Variants in SGIP1 observed in about 807,000 individuals in gnomAD.
SGIP1 encodes SH3GL interacting endocytic adaptor 1.
A neutral mutation model predicts 107.5 loss-of-function variants in SGIP1; 38 were observed. The ratio of observed to expected loss-of-function variants is 0.35; its 90% CI spans 0.27 to 0.46. The LOEUF (loss-of-function observed/expected upper bound fraction) is 0.46, where lower values mean the gene tolerates loss of function less well. Ranked by LOEUF, SGIP1 falls within the 20% of genes least tolerant of loss-of-function variation. SGIP1 has a pLI of 1.00. For synonymous variants in SGIP1, 365 were observed against 366.1 expected, an observed-to-expected ratio of 1.00 and a Z score of 0.03; for missense variants, 929 against 1,019.5, an observed-to-expected ratio of 0.91 and a Z score of 1.21.
At chr1:66,703,806 A>G (rs2092236221) in intron 18 of SGIP1, among the ~76,000 whole-genome samples, 1 of 151,776 alleles carries the variant, frequency 6.6e-6, no homozygotes, top group Non-Finnish European at 1.5e-5. Flanking sequence ...TATATGAAAT[A>G]TGGAATATGA....
intron 1 of SGIP1, among the ~76,000 whole-genome samples, chr1:66,587,599 G>C (rs567504279): frequency 6.6e-6 from 1 of 151,996 alleles, no homozygotes; most frequent in African/African-American, 2.4e-5. Flanking sequence ...TTAGAATTAG[G>C]CTTATTATTG....
intron 17 of SGIP1, among the ~76,000 whole-genome samples, chr1:66,692,835 G>T (rs1344077055): frequency 6.6e-6 from 1 of 152,148 alleles, no homozygotes; most frequent in Non-Finnish European, 1.5e-5. Context: ...GCCCCTAAAT[G>T]ACTTTGGATA....
rs2094580259 is a variant in SGIP1 at position 66,748,302 on chromosome 1, T to C, written c.*5207T>C. 1 of 152,132 alleles carries C rather than the reference T, an allele frequency of 6.6e-6. No homozygotes were observed. Among genetic ancestry groups the C allele is most frequent in the African/African-American group, 2.4e-5 (1 of 41,572 alleles). 9.4% of individuals were successfully genotyped at this position (152,132 alleles called of 1,614,324 possible). A position where few individuals can be genotyped will look rare whatever the true frequency, so the allele number is the denominator to read the frequency against. ...AATATTAAAAACAACAACAAAACAC[T>C]TGCCTTTCTCTTGTGTCATTGCTTC... On this transcript the variant is annotated 3_prime_UTR_variant, in exon 25 of 25. Coordinates refer to ENST00000371037, the MANE Select transcript of SGIP1 (RefSeq NM_032291.4).
chr1:66,617,924 G>C (rs1215396850), intron 1 of SGIP1, among the ~76,000 whole-genome samples: 1 of 152,146 alleles, frequency 6.6e-6, no homozygotes, highest in East Asian at 1.9e-4. Context: ...AAGTCACGAG[G>C]AGCCTGGACT....
intron 12 of SGIP1, among the ~76,000 whole-genome samples, chr1:66,673,974 G>A (rs2084539669): frequency 6.8e-6 from 1 of 146,056 alleles, no homozygotes; most frequent in Admixed American, 7.0e-5. Flanking sequence ...AGACCAGCCT[G>A]GACAACATAC....
chr1:66,745,589 G>A lies in SGIP1; in HGVS notation c.*2494G>A, dbSNP rs2094541371. ...GAGTCTCAGTTATCAAAGACATTAA[G>A]TCAGATTCATTTATTCATTTTATTC... On this transcript the variant is annotated 3_prime_UTR_variant, in exon 25 of 25. Coordinates refer to ENST00000371037, the MANE Select transcript of SGIP1 (RefSeq NM_032291.4). The A allele has an allele frequency of 6.6e-6, 1 of 152,074 alleles. No individual in the cohort carries two copies. 9.4% of individuals were successfully genotyped at this position (152,074 alleles called of 1,614,324 possible). A position where few individuals can be genotyped will look rare whatever the true frequency, so the allele number is the denominator to read the frequency against.
At chr1:66,668,622 G>A (rs1322509948) in intron 9 of SGIP1, among the ~76,000 whole-genome samples, 6 of 152,202 alleles carry the variant, frequency 3.9e-5, no homozygotes, top group Admixed American at 3.9e-4. Context: ...CCCTAGGCCT[G>A]TGCCAATCCA....
At chr1:66,694,415 C>T (rs1328551809) in intron 17 of SGIP1, 25 of 1,597,410 alleles carry the variant, frequency 1.6e-5, no homozygotes, top group South Asian at 3.4e-5. Context: ...GTTTTCCATT[C>T]GTTTATGTTT....
intron 1 of SGIP1, among the ~76,000 whole-genome samples, chr1:66,565,496 A>C (rs1160861341): frequency 2.0e-5 from 3 of 152,008 alleles, no homozygotes; most frequent in African/African-American, 7.2e-5. Flanking sequence ...TCTGGCATCA[A>C]GAAACTTACA....
rs754070260 is a variant in SGIP1 at position 66,630,539 on chromosome 1, G to T, written c.75-2531G>T. Reference sequence around the variant, plus strand: ...CTCAGTATATTGGCCAGGCACCGTGGCTCACACCTGTAATTCCAGCACTTT... The same window carrying T: ...CTCAGTATATTGGCCAGGCACCGTGTCTCACACCTGTAATTCCAGCACTTT... On this transcript the variant is annotated intron_variant, in intron 2 of 24. Coordinates refer to ENST00000371037, the MANE Select transcript of SGIP1 (RefSeq NM_032291.4). 8.5e-4 allele frequency among the ~76,000 whole-genome samples: 129 copies of T among 151,858 alleles called. 2 individuals carry two copies. The highest frequency in any genetic ancestry group is 2.4e-4 in the Non-Finnish European group (16 of 67,998).
chr1:66,735,874 T>A (rs533644592), intron 21 of SGIP1, among the ~76,000 whole-genome samples: 1 of 151,528 alleles, frequency 6.6e-6, no homozygotes, highest in East Asian at 1.9e-4. Context: ...TCGTGTGGTA[T>A]TGGTCTTTCT....
At chr1:66,558,576 G>C (rs1037467954) in intron 1 of SGIP1, among the ~76,000 whole-genome samples, 2 of 151,920 alleles carry the variant, frequency 1.3e-5, no homozygotes, top group African/African-American at 4.8e-5. Context: ...CATTAATTGA[G>C]CACCTACTAT....
At chr1:66,709,030 C>T (rs2092719871) in intron 18 of SGIP1, among the ~76,000 whole-genome samples, 1 of 151,818 alleles carries the variant, frequency 6.6e-6, no homozygotes, top group South Asian at 2.1e-4. Context: ...TACTGTTATA[C>T]TTTAAGTTCT....
intron 13 of SGIP1, among the ~76,000 whole-genome samples, chr1:66,679,241 C>T (rs2086096338): frequency 6.6e-6 from 1 of 152,178 alleles, no homozygotes; most frequent in African/African-American, 2.4e-5. Flanking sequence ...GGAGCCCCCA[C>T]CCAACCTGTG....
chr1:66,704,305 A>G (rs1572045634), intron 18 of SGIP1: 1 of 152,166 alleles, frequency 6.6e-6, no homozygotes, highest in East Asian at 1.9e-4. Context: ...CTCTGCTGGT[A>G]CGGAGCAAGA....
intron 14 of SGIP1, among the ~76,000 whole-genome samples, chr1:66,680,595 T>C (rs916873301): frequency 1.6e-4 from 24 of 152,306 alleles, no homozygotes; most frequent in South Asian, 6.2e-4. Flanking sequence ...TCAAACCCAA[T>C]AGAGAGTCAT....
At chr1:66,580,050 A>G (rs901027687) in intron 1 of SGIP1, among the ~76,000 whole-genome samples, 1 of 152,130 alleles carries the variant, frequency 6.6e-6, no homozygotes, top group East Asian at 1.9e-4. Context: ...TTATTTTAAT[A>G]GCCTCCTAAT....
intron 1 of SGIP1, among the ~76,000 whole-genome samples, chr1:66,605,698 A>G (rs980972664): frequency 6.6e-6 from 1 of 151,992 alleles, no homozygotes; most frequent in East Asian, 1.9e-4. Flanking sequence ...CCGTTCATCA[A>G]GGTTTTTATT....
intron 1 of SGIP1, among the ~76,000 whole-genome samples, chr1:66,617,808 A>G (rs2069776442): frequency 6.6e-6 from 1 of 152,178 alleles, no homozygotes; most frequent in Non-Finnish European, 1.5e-5. Flanking sequence ...GTGCAGCCTA[A>G]CTTGCCTAAA....
Sources: allele counts gnomAD v4.1 joint callset (sites outside exome capture counted in the v4.1 genomes callset), GRCh38; gene constraint gnomAD v4.1.1; transcripts MANE v1.5; gene names NCBI Gene and HGNC (gene_info 2026-07-23, HGNC 2026-07-21).